MAST3: variants seen among roughly 807,000 people sequenced by gnomAD.
The protein encoded by MAST3 is microtubule-associated serine/threonine-protein kinase 3.
MAST3 carries 43 observed loss-of-function variants against 127.0 expected under a neutral mutation model. The observed-to-expected ratio is 0.34, with a 90% CI of 0.27 to 0.44. The LOEUF (loss-of-function observed/expected upper bound fraction) is 0.44. MAST3 is among the 20% of genes least tolerant of loss of function. The pLI is 1.00. For missense variants in MAST3, 1,390 were observed against 1,919.1 expected, an observed-to-expected ratio of 0.72 and a Z score of 5.15; for synonymous variants, 785 against 809.2, an observed-to-expected ratio of 0.97 and a Z score of 0.51.
At chr19:18,143,681 T>G in intron 21 of MAST3, 82 bp from the exon 22 acceptor site, 2 of 1,556,160 alleles carry the variant, frequency 1.3e-6, no homozygotes, top group East Asian at 4.5e-5. Flanking sequence ...AGACTGAGAG[T>G]TAAGATGTGG....
intron 21 of MAST3, 123 bp downstream of exon 21, chr19:18,142,138 C>T: frequency 9.2e-7 from 1 of 1,083,620 alleles, no homozygotes; most frequent in Non-Finnish European, 1.2e-6. Flanking sequence ...ACATATTGAC[C>T]AGCCTATCAG....
rs560708973 is a variant in MAST3 at position 18,134,356 on chromosome 19, G to A, written c.1572-223G>A. ...AGGCCAGCAATTCAAGACCAGCCTG[G>A]GCAACATAGCAAGACCTTATGTCTA... is the stretch of plus-strand genomic sequence containing the variant. On this transcript the variant is annotated intron_variant, in intron 15 of 27. Transcript: ENST00000687212. Among the ~76,000 whole-genome samples the A allele has an allele frequency of 1.1e-4, 17 of 152,320 alleles. No individual in the cohort carries two copies. The East Asian group carries it at 3.3e-3, about 29-fold the overall frequency.
intron 9 of MAST3, 47 bp downstream of exon 9, chr19:18,124,195 G>A: frequency 1.3e-6 from 2 of 1,591,180 alleles, no homozygotes; most frequent in Non-Finnish European, 8.6e-7. Context: ...GTGGGACGTG[G>A]AGTGAGGGGG....
intron 21 of MAST3, among the ~76,000 whole-genome samples, chr19:18,142,615 G>T (rs1279969420): frequency 6.6e-6 from 1 of 151,042 alleles, no homozygotes; most frequent in Non-Finnish European, 1.5e-5. Flanking sequence ...CTCCCAAAGT[G>T]CTAGGATTAC....
chr19:18,137,354 C>T lies in MAST3; in HGVS notation c.2088C>T (p.Tyr696=), dbSNP rs771635070. The T allele has an allele frequency of 6.2e-7, 1 of 1,613,396 alleles. No homozygotes were observed. The highest frequency in any genetic ancestry group is 1.1e-5 in the South Asian group (1 of 91,064). Reference sequence around the variant, plus strand: ...TCGAAGCTGAGGATGATACCAGCTACTTTGACAGTAAGGAGGGATCCCCCT... The same window carrying T: ...TCGAAGCTGAGGATGATACCAGCTATTTTGACAGTAAGGAGGGATCCCCCT... ...PQLEAEDDTS[Y]FDTRSERYRH... The change falls in exon 19 of 28, where the codon TAC becomes TAT. Residue 696 remains tyrosine (Y), a synonymous_variant. Transcript: ENST00000687212.
At position 18,132,000 on chromosome 19, in the gene MAST3, G is replaced by C; in HGVS notation, c.1524G>C (p.Glu508Asp). The C allele has an allele frequency of 1.2e-6, 2 of 1,614,218 alleles. No individual in the cohort carries two copies. Among genetic ancestry groups the C allele is most frequent in the South Asian group, 2.2e-5 (2 of 91,080 alleles). ...LYFAETVLAL[E>D]YLHNYGIVHR... ...TCGCCGAGACGGTGTTGGCGCTGGA[G>C]TACCTGCATAACTATGGCATCGTGC... Residue 508 changes from glutamate (E) to aspartate (D), a missense_variant, in exon 15 of 28, where the codon GAG (glutamate) becomes GAC (aspartate). By Grantham distance (45) the Glu-to-Asp change is conservative (BLOSUM62 2). Coordinates refer to ENST00000687212, the MANE Select transcript of MAST3 (RefSeq NM_001393504.1).
chr19:18,141,308 T>G (rs928968769), intron 20 of MAST3, among the ~76,000 whole-genome samples: 1 of 150,648 alleles, frequency 6.6e-6, no homozygotes, highest in East Asian at 1.9e-4. Context: ...ATGTGGGGAG[T>G]GAGGATTTAG....
Position 18,144,477 on chromosome 19 carries a change from G to C in MAST3, c.2596G>C (p.Ala866Pro). The C allele has an allele frequency of 6.4e-7, 1 of 1,570,846 alleles. No homozygotes were observed. Among genetic ancestry groups the C allele is most frequent in the Non-Finnish European group, 8.6e-7 (1 of 1,160,666 alleles). ...TGCTGACCCTCTAGCCGACACAGCT[G>C]CTCTCAGCCACGCCCGCCTACGGAG... ...KPSSLSADTA[A>P]LSHARLRSNS... Residue 866 changes from alanine (A) to proline (P), a missense_variant, in exon 23 of 28, where the codon GCT becomes CCT. Ala to Pro is a conservative substitution (Grantham distance 27, BLOSUM62 -1). Around this residue, in one of 5 missense-constraint regions of MAST3, gnomAD observed 816 missense variants for 934.1 expected, o/e 0.87. Coordinates refer to ENST00000687212, the MANE Select transcript of MAST3 (RefSeq NM_001393504.1). The surrounding 1 kb of genome is among the most constrained non-coding windows in gnomAD (Gnocchi z 4.0).
rs371204303 is a variant in MAST3, at chr19:18,097,787, C to T, written c.-6C>T. Reference sequence around the variant, plus strand: ...GGGCGGGCCTGGCGGCGCGGACTCCCGGGCCATGGACGAGTCGAGCCTCCT... The same window carrying T: ...GGGCGGGCCTGGCGGCGCGGACTCCTGGGCCATGGACGAGTCGAGCCTCCT... On this transcript the variant is annotated 5_prime_UTR_variant, in exon 1 of 28. Transcript: ENST00000687212. 233 of 1,219,236 alleles carry T rather than the reference C, an allele frequency of 1.9e-4. 2 individuals are homozygous for T. In the East Asian group the frequency reaches 6.6e-3, roughly 35 times the overall value. The allele number at this position is 1,219,236 out of a possible 1,614,324, so 75.5% of individuals were successfully genotyped here. A position where few individuals can be genotyped will look rare whatever the true frequency, so the allele number is the denominator to read the frequency against.
intron 8 of MAST3, 31 bp downstream of exon 8, chr19:18,123,686 C>A (rs749937883): frequency 6.7e-7 from 1 of 1,500,340 alleles, no homozygotes; most frequent in Non-Finnish European, 8.9e-7. Flanking sequence ...GGACCAGCCC[C>A]TGCACTTCTT....
rs1027853295 is a variant in MAST3 at position 18,141,877 on chromosome 19, C to T, written c.2206-5C>T. The T allele has an allele frequency of 6.3e-6, 9 of 1,425,940 alleles. No individual in the cohort carries two copies. In the African/African-American group the frequency reaches 1.2e-4, roughly 18 times the overall value. 88.3% of individuals were successfully genotyped at this position (1,425,940 alleles called of 1,614,324 possible). On this transcript the variant is annotated splice_polypyrimidine_tract_variant and splice_region_variant and intron_variant, in intron 20 of 27. Transcript: ENST00000687212. ...GGCTTACCATTCTTTTGTCTTGCCT[C>T]CCAGGTCTACAGCAGCTCTGAGTTC...
At chr19:18,118,286 G>A in intron 3 of MAST3, 1 of 981,230 alleles carries the variant, frequency 1.0e-6, no homozygotes, top group Non-Finnish European at 1.2e-6. Context: ...AAGGCTCGGC[G>A]GCCAGCCGAG....
Position 18,145,063 on chromosome 19 carries a change from C to T in MAST3, c.2873C>T (p.Pro958Leu). ...TCCCCGCGCTCTCTGTCCTCGAACC[C>T]GTCGTCCCGTGACTCTTCGCCGAGC... ...PLSPRSLSSN[P>L]SSRDSSPSRD... The change falls in exon 24 of 28, where the codon CCG (proline) becomes CTG (leucine). Residue 958 changes from proline (P) to leucine (L), a missense_variant. By Grantham distance (98) the Pro-to-Leu change is moderately conservative. This residue lies in a region of MAST3 where 816 missense variants were observed against 934.1 expected (regional missense o/e 0.87). Coordinates refer to ENST00000687212, the MANE Select transcript of MAST3 (RefSeq NM_001393504.1). The surrounding 1 kb of genome is among the most constrained non-coding windows in gnomAD (Gnocchi z 5.9). The T allele has an allele frequency of 1.9e-6, 3 of 1,612,408 alleles. No individual in the cohort carries two copies. Among genetic ancestry groups the T allele is most frequent in the East Asian group, 2.2e-5 (1 of 44,854 alleles).
chr19:18,101,687 G>A (rs1210849867), intron 1 of MAST3, among the ~76,000 whole-genome samples: 4 of 151,858 alleles, frequency 2.6e-5, no homozygotes. Flanking sequence ...CTGGAGTGCG[G>A]TGGCCCAGGC....
chr19:18,133,220 A>G (rs528148764), intron 15 of MAST3, among the ~76,000 whole-genome samples: 1 of 152,236 alleles, frequency 6.6e-6, no homozygotes, highest in East Asian at 1.9e-4. Flanking sequence ...GCTCTAAGGA[A>G]CTCAGAAGCA....
chr19:18,121,345 C>T (rs1006438480), intron 3 of MAST3, among the ~76,000 whole-genome samples: 6 of 151,842 alleles, frequency 4.0e-5, no homozygotes, highest in Non-Finnish European at 8.8e-5. Flanking sequence ...TGTATAGAGA[C>T]GGGGTCTTGC....
chr19:18,117,807 C>A (rs924266770), intron 3 of MAST3, among the ~76,000 whole-genome samples: 1 of 151,644 alleles, frequency 6.6e-6, no homozygotes, highest in East Asian at 1.9e-4. Flanking sequence ...CCCCGCCGCC[C>A]GCGGTCGTAG....
At position 18,139,263 on chromosome 19, in the gene MAST3, A is replaced by G. The variant is rs150574898; in HGVS notation, c.2205+139A>G. On this transcript the variant is annotated intron_variant, in intron 20 of 27. Coordinates refer to ENST00000687212, the MANE Select transcript of MAST3 (RefSeq NM_001393504.1). ...GCTATGCTGCCCAGGCTGGTCTCCA[A>G]CTCCTGAACTCAAGTGATCCTCCCA... 1.6e-3 allele frequency: 1,012 copies of G among 626,642 alleles called. 5 individuals are homozygous for G. The highest frequency in any genetic ancestry group is 0.015 in the African/African-American group (847 of 55,070). The allele number at this position is 626,642 out of a possible 1,614,324, so 38.8% of individuals were successfully genotyped here.
At position 18,147,023 on chromosome 19, in the gene MAST3, C is replaced by T. The variant is rs773947388; in HGVS notation, c.3305C>T (p.Ala1102Val). The change falls in exon 26 of 28, where the codon GCG becomes GTG. Residue 1102 changes from alanine to valine, a missense_variant. Ala to Val is a moderately conservative substitution (Grantham distance 64). This residue lies in a region of MAST3 where 816 missense variants were observed against 934.1 expected (regional missense o/e 0.87). Transcript: ENST00000687212. ...SRRRETQDRC[A>V]AVTTRERRKS... is the part of the protein sequence containing the mutation. The stretch of plus-strand genomic sequence containing the variant: ...CGGCGGGAGACCCAGGATCGGTGCG[C>T]GGCAGTGACCACCAGGGAGCGGTAC... 1.1e-5 allele frequency: 18 copies of T among 1,569,202 alleles called. No homozygotes were observed. The highest frequency in any genetic ancestry group is 1.1e-4 in the African/African-American group (8 of 73,858).
Sources: gnomAD v4.1 joint callset for allele counts (sites outside exome capture counted in the v4.1 genomes callset) on GRCh38, gnomAD v4.1.1 for gene constraint, gnomAD v4.1.1 regional missense constraint, Gnocchi (gnomAD v3.1) non-coding constraint, MANE v1.5 for transcripts, NCBI Gene and HGNC (gene_info 2026-07-23, HGNC 2026-07-21) for gene names.